SLC14A2: variants seen among roughly 807,000 people sequenced by gnomAD.
SLC14A2 encodes solute carrier family 14 member 2.
A neutral mutation model predicts 104.6 loss-of-function variants in SLC14A2; 91 were observed. The observed-to-expected ratio is 0.87, with a 90% CI of 0.73 to 1.04. The LOEUF (loss-of-function observed/expected upper bound fraction) is 1.04. Among genes scored for constraint, SLC14A2 ranks in the 50% least tolerant of loss-of-function variants. The probability of loss-of-function intolerance (pLI) is 0.00; values close to 1 mark genes in which losing one functional copy is unlikely to be tolerated. For missense variants in SLC14A2, 1,189 were observed against 1,156.0 expected, an observed-to-expected ratio of 1.03 and a Z score of -0.41; for synonymous variants, 476 against 466.4, an observed-to-expected ratio of 1.02 and a Z score of -0.27.
chr18:45,673,015 C>A lies in SLC14A2; in HGVS notation c.2345C>A (p.Ala782Glu). ...TCCTCACCTCTCATTTGCTTGCATG[C>A]AGCAATTGGATCCACCATGGGGATG... is the stretch of plus-strand genomic sequence containing the variant. ...FISSPLICLHAAIGSTMGMLA... is the reference protein window; with the variant it reads ...FISSPLICLHEAIGSTMGMLA... The change falls in exon 17 of 20, where the codon GCA becomes GAA. Residue 782 changes from alanine (A) to glutamate (E), a missense_variant. Physicochemically the swap from Ala to Glu is moderately radical, Grantham distance 107. Transcript: ENST00000255226. 1.2e-6 allele frequency: 2 copies of A among 1,614,158 alleles called. No individual in the cohort carries two copies. Among genetic ancestry groups the A allele is most frequent in the Non-Finnish European group, 1.7e-6 (2 of 1,180,002 alleles).
chr18:45,345,581 T>C (rs936120344), intron 1 of SLC14A2, among the ~76,000 whole-genome samples: 6 of 152,196 alleles, frequency 3.9e-5, no homozygotes, highest in African/African-American at 1.4e-4. Context: ...CTGGACTTTA[T>C]TTATAAGCAT....
chr18:45,242,031 A>G (rs925522793), intron 1 of SLC14A2, among the ~76,000 whole-genome samples: 1 of 152,164 alleles, frequency 6.6e-6, no homozygotes, highest in African/African-American at 2.4e-5. Context: ...AAACTTCTGC[A>G]TTCTACATGC....
At chr18:45,409,254 C>T (rs1363784897) in intron 1 of SLC14A2, among the ~76,000 whole-genome samples, 2 of 152,122 alleles carry the variant, frequency 1.3e-5, no homozygotes, top group African/African-American at 4.8e-5. Context: ...GAGTACTAAG[C>T]AAGATATTTT....
chr18:45,256,052 A>G (rs1472836469), intron 1 of SLC14A2, among the ~76,000 whole-genome samples: 1 of 152,168 alleles, frequency 6.6e-6, no homozygotes, highest in Non-Finnish European at 1.5e-5. Flanking sequence ...CCCACTGACA[A>G]GCTGGGTTAT....
chr18:45,298,260 C>T (rs764139879), intron 1 of SLC14A2, among the ~76,000 whole-genome samples: 10 of 152,168 alleles, frequency 6.6e-5, no homozygotes, highest in Admixed American at 1.3e-4. Context: ...ATTGGTGGAG[C>T]AACATGGGAA....
chr18:45,273,638 A>G (rs528877279), intron 1 of SLC14A2, among the ~76,000 whole-genome samples: 2 of 152,294 alleles, frequency 1.3e-5, no homozygotes, highest in South Asian at 2.1e-4. Context: ...ACAGGTGAGC[A>G]GAGTAATTGG....
intron 1 of SLC14A2, among the ~76,000 whole-genome samples, chr18:45,451,181 C>T (rs536813056): frequency 6.6e-6 from 1 of 152,190 alleles, no homozygotes; most frequent in African/African-American, 2.4e-5. Flanking sequence ...GTTGAATGGT[C>T]CAGTCAACTA....
chr18:45,461,769 T>C (rs1259702015), intron 1 of SLC14A2, among the ~76,000 whole-genome samples: 3 of 152,242 alleles, frequency 2.0e-5, no homozygotes, highest in Non-Finnish European at 4.4e-5. Context: ...ATCATATATT[T>C]GGGTTAAGGA....
upstream of SLC14A2, among the ~76,000 whole-genome samples, chr18:45,208,683 A>G (rs1774917889): frequency 1.3e-5 from 2 of 152,146 alleles, no homozygotes; most frequent in Non-Finnish European, 2.9e-5. Context: ...GAAATGGCAG[A>G]CTGAGAAGCT....
intron 2 of SLC14A2, among the ~76,000 whole-genome samples, chr18:45,505,579 C>T (rs1454277215): frequency 6.6e-6 from 1 of 152,100 alleles, no homozygotes; most frequent in African/African-American, 2.4e-5. Context: ...AGCCAATGTG[C>T]TAATTGCAAG....
chr18:45,516,925 G>A (rs966145045), intron 2 of SLC14A2, among the ~76,000 whole-genome samples: 1 of 152,210 alleles, frequency 6.6e-6, no homozygotes, highest in Non-Finnish European at 1.5e-5. Context: ...ACATGGGAGT[G>A]GAACTTGAGC....
chr18:45,494,522 C>G (rs1198835784), intron 2 of SLC14A2, among the ~76,000 whole-genome samples: 1 of 152,150 alleles, frequency 6.6e-6, no homozygotes, highest in Non-Finnish European at 1.5e-5. Context: ...CTCAGCCTCC[C>G]AAGTAGCTGG....
intron 1 of SLC14A2, among the ~76,000 whole-genome samples, chr18:45,370,787 G>A (rs1211568319): frequency 2.6e-5 from 4 of 152,190 alleles, no homozygotes; most frequent in Non-Finnish European, 5.9e-5. Flanking sequence ...GAGAGAGAGA[G>A]CGACTGGAAC....
intron 1 of SLC14A2, among the ~76,000 whole-genome samples, chr18:45,417,823 A>G (rs1183575299): frequency 6.6e-6 from 1 of 152,232 alleles, no homozygotes; most frequent in African/African-American, 2.4e-5. Flanking sequence ...TCAGTAAATA[A>G]TATTTTTTAA....
intron 1 of SLC14A2, among the ~76,000 whole-genome samples, chr18:45,426,605 G>GTACTATATATATACACATATATA (rs1361102408): frequency 6.9e-6 from 1 of 143,896 alleles, no homozygotes; most frequent in Non-Finnish European, 1.5e-5. Flanking sequence ...ACACATATAT[G>GTACTATATATATACACATATATA]TACTATATAT....
intron 2 of SLC14A2, among the ~76,000 whole-genome samples, chr18:45,594,997 G>A (rs916403119): frequency 6.6e-6 from 1 of 152,048 alleles, no homozygotes; most frequent in Admixed American, 6.5e-5. Flanking sequence ...TCTCCGGAAT[G>A]TAATCCTTTC....
intron 1 of SLC14A2, among the ~76,000 whole-genome samples, chr18:45,356,887 CA>C (rs2085559729): frequency 1.3e-5 from 2 of 152,168 alleles, no homozygotes; most frequent in African/African-American, 4.8e-5. Flanking sequence ...TACAAGAAGC[CA>C]TCAGCCCTGC....
intron 1 of SLC14A2, among the ~76,000 whole-genome samples, chr18:45,292,497 C>G (rs1488548354): frequency 1.3e-5 from 2 of 152,114 alleles, no homozygotes. Flanking sequence ...ATTAGTGGAG[C>G]CTTTTCATTT....
At chr18:45,588,125 A>G (rs1292650383) in intron 2 of SLC14A2, among the ~76,000 whole-genome samples, 2 of 152,162 alleles carry the variant, frequency 1.3e-5, no homozygotes, top group African/African-American at 2.4e-5. Flanking sequence ...AAATTCTTCT[A>G]TGTAGCTCCA....
Sources: gnomAD v4.1 joint callset for allele counts (sites outside exome capture counted in the v4.1 genomes callset) on GRCh38, gnomAD v4.1.1 for gene constraint, MANE v1.5 for transcripts, NCBI Gene and HGNC (gene_info 2026-07-23, HGNC 2026-07-21) for gene names.